CMIP: variants seen among roughly 807,000 people sequenced by gnomAD.
CMIP encodes C-Maf-inducing protein.
Under a neutral mutation model 97.3 loss-of-function variants are expected in CMIP, and 13 were observed. The observed-to-expected ratio is 0.13, with a 90% CI of 0.09 to 0.21. CMIP has a LOEUF of 0.21. Ranked by LOEUF, CMIP falls within the 10% of genes least tolerant of loss-of-function variation. The pLI is 1.00. For synonymous variants in CMIP, 538 were observed against 436.3 expected (o/e 1.23, Z -2.91); for missense variants, 847 against 1,024.9 (o/e 0.83, Z 2.37).
At chr16:81,598,511 C>T (rs1221130903) in intron 1 of CMIP, among the ~76,000 whole-genome samples, 1 of 152,144 alleles carries the variant, frequency 6.6e-6, no homozygotes, top group East Asian at 1.9e-4. Context: ...ATTTAGGCTA[C>T]AAAGAACTTT....
At chr16:81,567,190 C>T (rs1328222007) in intron 1 of CMIP, among the ~76,000 whole-genome samples, 1 of 152,284 alleles carries the variant, frequency 6.6e-6, no homozygotes, top group South Asian at 2.1e-4. Flanking sequence ...GGAATTCCCA[C>T]ATCGAAGTCC....
intron 1 of CMIP, among the ~76,000 whole-genome samples, chr16:81,560,822 G>T (rs541965256): frequency 6.6e-6 from 1 of 152,248 alleles, no homozygotes; most frequent in Non-Finnish European, 1.5e-5. Flanking sequence ...TTCTGTACAG[G>T]TTTGTAGCCC....
Position 81,644,271 on chromosome 16 carries a change from C to T in CMIP, c.478-7932C>T, listed in dbSNP as rs9927804. Among the ~76,000 whole-genome samples the T allele has an allele frequency of 9.4e-3, 1,425 of 152,234 alleles. 8 individuals carry two copies. The highest frequency in any genetic ancestry group is 0.016 in the Non-Finnish European group (1,102 of 68,028). ...TTCACTGGAAATGTGCACAGATAAT[C>T]GGGACAGTGTTGCCTCCTTCCCTGG... On this transcript the variant is annotated intron_variant, in intron 3 of 20. Coordinates refer to ENST00000537098, the MANE Select transcript of CMIP (RefSeq NM_198390.3).
At chr16:81,517,982 A>C in intron 1 of CMIP, 6 of 896,604 alleles carry the variant, frequency 6.7e-6, no homozygotes, top group Non-Finnish European at 8.0e-6. Flanking sequence ...ATTTTTTCAC[A>C]AAGTAAGTGA....
At chr16:81,512,301 G>C (rs2927304) in intron 1 of CMIP, among the ~76,000 whole-genome samples, 62 of 152,108 alleles carry the variant, frequency 4.1e-4, no homozygotes, top group Admixed American at 1.3e-3. Flanking sequence ...GCCTTGGTGG[G>C]GGTCTTTCTT....
intron 1 of CMIP, among the ~76,000 whole-genome samples, chr16:81,532,061 C>T (rs1360450780): frequency 6.6e-6 from 1 of 152,172 alleles, no homozygotes; most frequent in Non-Finnish European, 1.5e-5. Context: ...CTGTAGTTCT[C>T]CTAGCAATCT....
intron 3 of CMIP, among the ~76,000 whole-genome samples, chr16:81,626,788 A>AGTGACAGAGAGAGAGAGT: frequency 1.6e-5 from 1 of 63,106 alleles, no homozygotes; most frequent in South Asian, 7.0e-4. Context: ...AGAGAGAGAG[A>AGTGACAGAGAGAGAGAGT]GTGTGTGTGT....
chr16:81,503,100 G>T (rs953611119), intron 1 of CMIP, among the ~76,000 whole-genome samples: 1 of 152,190 alleles, frequency 6.6e-6, no homozygotes, highest in Non-Finnish European at 1.5e-5. Flanking sequence ...AAATATTACA[G>T]CTAAAGAACA....
intron 1 of CMIP, among the ~76,000 whole-genome samples, chr16:81,467,599 G>A (rs9935611): frequency 0.032 from 3,287 of 102,324 alleles, 112 homozygotes; most frequent in African/African-American, 0.1. Flanking sequence ...TTTTTTTTTT[G>A]AGATGGAGTC....
intron 1 of CMIP, among the ~76,000 whole-genome samples, chr16:81,585,564 C>G (rs182844287): frequency 2.7e-3 from 411 of 152,274 alleles, no homozygotes; most frequent in Non-Finnish European, 4.9e-3. Context: ...TGGATCAATT[C>G]CATTCTGAAA....
At chr16:81,487,471 G>A (rs2089335302) in intron 1 of CMIP, among the ~76,000 whole-genome samples, 1 of 152,190 alleles carries the variant, frequency 6.6e-6, no homozygotes, top group Non-Finnish European at 1.5e-5. Context: ...TGAGCCTGTG[G>A]CCTGCCAAGC....
Position 81,445,705 on chromosome 16 carries a change from G to A in CMIP, c.300+164G>A, listed in dbSNP as rs545141077. ...GGCGCCTCGCTCCTGGCCTGCTCGCGGGGCTCGATTTTGGAGTCTGAAGCC... is the reference window on the plus strand; with the variant it reads ...GGCGCCTCGCTCCTGGCCTGCTCGCAGGGCTCGATTTTGGAGTCTGAAGCC... On this transcript the variant is annotated intron_variant, in intron 1 of 20. Transcript: ENST00000537098. Among the ~76,000 whole-genome samples, 199 of 152,252 alleles carry A rather than the reference G, an allele frequency of 1.3e-3. 1 individual carries two copies. Among genetic ancestry groups the A allele is most frequent in the African/African-American group, 4.6e-3 (191 of 41,558 alleles).
At chr16:81,647,920 CA>C (rs2092382671) in intron 3 of CMIP, among the ~76,000 whole-genome samples, 1 of 106,556 alleles carries the variant, frequency 9.4e-6, no homozygotes, top group African/African-American at 3.9e-5. Context: ...CCTCCCCCCG[CA>C]CCCGCAGAGC....
chr16:81,569,680 T>TG (rs2091048428), intron 1 of CMIP, among the ~76,000 whole-genome samples: 1 of 152,226 alleles, frequency 6.6e-6, no homozygotes. Context: ...CAAAGTGAGA[T>TG]GCTTAAATGC....
At chr16:81,500,878 C>G (rs2966091) in intron 1 of CMIP, among the ~76,000 whole-genome samples, 56,393 of 151,958 alleles carry the variant, frequency 0.37, 10,567 homozygotes, top group African/African-American at 0.4. Context: ...ATGTGCCAAG[C>G]CAAGCCTTGT....
At chr16:81,569,356 G>T (rs757115136) in intron 1 of CMIP, among the ~76,000 whole-genome samples, 1 of 152,238 alleles carries the variant, frequency 6.6e-6, no homozygotes, top group Non-Finnish European at 1.5e-5. Flanking sequence ...AGTAGGTAAT[G>T]GAGCTGGCAT....
chr16:81,702,787 G>T (rs1487986826), intron 17 of CMIP, 118 bp downstream of exon 17: 10 of 869,354 alleles, frequency 1.2e-5, no homozygotes, highest in Non-Finnish European at 1.9e-5. Context: ...CGGGGCACAA[G>T]GACCCCCTAG....
At chr16:81,549,304 G>C (rs560023705) in intron 1 of CMIP, among the ~76,000 whole-genome samples, 1 of 152,174 alleles carries the variant, frequency 6.6e-6, no homozygotes, top group Non-Finnish European at 1.5e-5. Flanking sequence ...TAAATCATTC[G>C]ATAGAACCTT....
chr16:81,696,924 C>T (rs775246662), intron 14 of CMIP: 21 of 540,830 alleles, frequency 3.9e-5, no homozygotes, highest in Middle Eastern at 4.9e-4. Context: ...AGTGAGAAGA[C>T]GACACATGTC....
Sources: allele counts gnomAD v4.1 joint callset (sites outside exome capture counted in the v4.1 genomes callset), GRCh38; gene constraint gnomAD v4.1.1; transcripts MANE v1.5; gene names NCBI Gene and HGNC (gene_info 2026-07-23, HGNC 2026-07-21).